ARB2A: variants seen among roughly 807,000 people sequenced by gnomAD.
ARB2A encodes the protein cotranscriptional regulator ARB2A.
the ARB2A span, among the ~76,000 whole-genome samples, chr5:93,979,907 AT>A: frequency 6.6e-6 from 1 of 152,192 alleles, no homozygotes; most frequent in Admixed American, 6.5e-5. Context: ...TACATCTAAA[AT>A]TAATCTTCTT....
chr5:94,006,615 A>T, the ARB2A span, among the ~76,000 whole-genome samples: 2 of 152,234 alleles, frequency 1.3e-5, 1 homozygote, highest in Non-Finnish European at 2.9e-5. Context: ...AAATGAAAAC[A>T]GTGAAATGCA....
chr5:93,918,271 GA>G, the ARB2A span, among the ~76,000 whole-genome samples: 1 of 152,042 alleles, frequency 6.6e-6, no homozygotes, highest in East Asian at 1.9e-4. Flanking sequence ...TACAATTACA[GA>G]AAGGAAGTAG....
the ARB2A span, among the ~76,000 whole-genome samples, chr5:94,016,793 T>A: frequency 6.6e-6 from 1 of 152,196 alleles, no homozygotes; most frequent in Non-Finnish European, 1.5e-5. Flanking sequence ...GTTTTACAGA[T>A]GCTAAGAAAA....
At chr5:93,952,292 C>G in the ARB2A span, among the ~76,000 whole-genome samples, 1 of 152,142 alleles carries the variant, frequency 6.6e-6, no homozygotes, top group African/African-American at 2.4e-5. Flanking sequence ...CAAAAAGAAC[C>G]AAACTGGAAG....
chr5:94,065,391 G>T, the ARB2A span, among the ~76,000 whole-genome samples: 1 of 152,178 alleles, frequency 6.6e-6, no homozygotes, highest in Non-Finnish European at 1.5e-5. Flanking sequence ...GCACATGCCT[G>T]TAGTCCCAGA....
the ARB2A span, among the ~76,000 whole-genome samples, chr5:94,056,242 C>T: frequency 6.6e-6 from 1 of 152,180 alleles, no homozygotes; most frequent in Non-Finnish European, 1.5e-5. Flanking sequence ...CAAAAATGTG[C>T]TTTGGCTTTG....
chr5:93,998,190 A>G, the ARB2A span, among the ~76,000 whole-genome samples: 1 of 152,028 alleles, frequency 6.6e-6, no homozygotes, highest in Non-Finnish European at 1.5e-5. Flanking sequence ...ATAGCCAAAC[A>G]TGATTTTTTA....
chr5:93,634,012 C>T, the ARB2A span, among the ~76,000 whole-genome samples: 78 of 152,224 alleles, frequency 5.1e-4, no homozygotes, highest in African/African-American at 1.2e-3. Context: ...ATCTGCCTGC[C>T]TCAGCCTCCC....
the ARB2A span, among the ~76,000 whole-genome samples, chr5:93,781,490 T>C: frequency 6.6e-6 from 1 of 152,188 alleles, no homozygotes; most frequent in African/African-American, 2.4e-5. Context: ...AGCACTGCGA[T>C]AAACATACCA....
At chr5:94,020,745 T>C in the ARB2A span, among the ~76,000 whole-genome samples, 2 of 152,222 alleles carry the variant, frequency 1.3e-5, no homozygotes, top group African/African-American at 2.4e-5. Context: ...AGGCTATGTC[T>C]GAACTACAAA....
the ARB2A span, among the ~76,000 whole-genome samples, chr5:93,999,840 C>T: frequency 6.6e-6 from 1 of 152,018 alleles, no homozygotes; most frequent in East Asian, 1.9e-4. Context: ...CCCTCTTTGC[C>T]TCCAACCCCT....
At chr5:93,743,505 T>G in the ARB2A span, 1 of 979,168 alleles carries the variant, frequency 1.0e-6, no homozygotes. Flanking sequence ...AGAATAACTT[T>G]GCTGGTATCT....
the ARB2A span, among the ~76,000 whole-genome samples, chr5:93,929,095 AC>A: frequency 6.6e-6 from 1 of 152,178 alleles, no homozygotes; most frequent in Non-Finnish European, 1.5e-5. Context: ...ATACTTTTCC[AC>A]CATTAGATAC....
the ARB2A span, among the ~76,000 whole-genome samples, chr5:93,961,357 G>A: frequency 2.9e-4 from 44 of 152,220 alleles, no homozygotes; most frequent in Admixed American, 1.3e-4. Context: ...TTAAGCAATG[G>A]AATACTGGCA....
At chr5:93,688,547 C>T in the ARB2A span, among the ~76,000 whole-genome samples, 1 of 152,078 alleles carries the variant, frequency 6.6e-6, no homozygotes, top group Non-Finnish European at 1.5e-5. Context: ...CAAAAGTTTT[C>T]CTTTCTCCTT....
the ARB2A span, chr5:93,741,441 A>AG: frequency 6.2e-7 from 1 of 1,613,498 alleles, no homozygotes; most frequent in Non-Finnish European, 8.5e-7. Flanking sequence ...TCACCCTGCC[A>AG]GGGGCCGCCT....
At chr5:93,805,221 G>A in the ARB2A span, 1 of 984,912 alleles carries the variant, frequency 1.0e-6, no homozygotes, top group African/African-American at 1.7e-5. Context: ...TGAAATCACT[G>A]AATCCTTTCT....
chr5:93,665,423 G>A, the ARB2A span, among the ~76,000 whole-genome samples: 5 of 152,128 alleles, frequency 3.3e-5, no homozygotes, highest in Non-Finnish European at 7.3e-5. Context: ...GATAGGATTT[G>A]TCACTAAGAT....
chr5:93,935,234 C>T, the ARB2A span, among the ~76,000 whole-genome samples: 16 of 152,056 alleles, frequency 1.1e-4, no homozygotes, highest in African/African-American at 3.1e-4. Context: ...CCTATTAAAA[C>T]GATATTTTTA....
Sources: allele counts gnomAD v4.1 joint callset (sites outside exome capture counted in the v4.1 genomes callset), GRCh38; gene constraint gnomAD v4.1.1; transcripts MANE v1.5; gene names NCBI Gene and HGNC (gene_info 2026-07-23, HGNC 2026-07-21).